The following CDH22 variants were observed in gnomAD, a reference collection of about 807,000 sequenced individuals.
CDH22 encodes the protein cadherin-22.
CDH22 carries 30 observed loss-of-function variants against 58.4 expected under a neutral mutation model. The ratio of observed to expected loss-of-function variants is 0.51; its 90% CI spans 0.38 to 0.70. The LOEUF (loss-of-function observed/expected upper bound fraction) is 0.70. Among genes scored for constraint, CDH22 ranks in the 30% least tolerant of loss-of-function variants. The pLI is 0.00. For missense variants in CDH22, 1,014 were observed against 1,233.9 expected (o/e 0.82, Z 2.67); for synonymous variants, 513 against 558.2 (o/e 0.92, Z 1.14).
Position 46,226,268 on chromosome 20 carries a change from CTTCTTCTTCTTCTTCTTCTTCTTCT to C in CDH22, c.670+1215_670+1239del, listed in dbSNP as rs1233502859. ...TCTTCTTCTTCTTCTTCTTCTTCTT[CTTCTTCTTCTTCTTCTTCTTCTTCT>C]TTTTTTTTTTGAGACAGGGTCTTGC... On this transcript the variant is annotated intron_variant, in intron 4 of 11. Coordinates refer to ENST00000537909, the MANE Select transcript of CDH22 (RefSeq NM_021248.3). Among the ~76,000 whole-genome samples, 8 of 7,130 alleles carry C rather than the reference CTTCTTCTTCTTCTTCTTCTTCTTCT, an allele frequency of 1.1e-3. 1 individual carries two copies. The highest frequency in any genetic ancestry group is 2.7e-3 in the Non-Finnish European group (8 of 2,962). The allele number at this position is 7,130 out of a possible 152,430, so 4.7% of individuals were successfully genotyped here.
At chr20:46,279,954 C>A (rs2086541375) in intron 1 of CDH22, among the ~76,000 whole-genome samples, 1 of 152,024 alleles carries the variant, frequency 6.6e-6, no homozygotes, top group African/African-American at 2.4e-5. Flanking sequence ...CCCAACAAGA[C>A]TTTGAGGGAT....
chr20:46,247,271 C>T (rs1379625615), intron 2 of CDH22, among the ~76,000 whole-genome samples: 1 of 152,158 alleles, frequency 6.6e-6, no homozygotes, highest in Non-Finnish European at 1.5e-5. Context: ...AACTCACTGA[C>T]TCCCCAACGC....
rs549359934 is a variant in CDH22, at chr20:46,286,181, G to T, written c.-400+22074C>A. On this transcript the variant is annotated intron_variant, in intron 1 of 11. Transcript: ENST00000537909. ...TCATGGGATCTTCCTGTCAACCCTG[G>T]AAGGCAGGTGTTCTCTTACTCAAAG... 1.5e-4 allele frequency among the ~76,000 whole-genome samples: 23 copies of T among 152,258 alleles called. 1 individual carries two copies. The East Asian group carries it at 2.5e-3, about 17-fold the overall frequency.
In CDH22 at chr20:46,199,383, C is replaced by T. The variant is rs765976667; in HGVS notation, c.1423+40G>A. 5.7e-6 allele frequency: 9 copies of T among 1,591,530 alleles called. No individual in the cohort carries two copies. In the Admixed American group the frequency reaches 8.4e-5, roughly 15 times the overall value. On this transcript the variant is annotated intron_variant, in intron 8 of 11. Transcript: ENST00000537909. Reference sequence around the variant, plus strand: ...CTCCCTTCAGCTTTTGCTCCTGGGCCCCATATTTGCCCTTGGAGGGGGCGT... The same window carrying T: ...CTCCCTTCAGCTTTTGCTCCTGGGCTCCATATTTGCCCTTGGAGGGGGCGT...
At chr20:46,203,622 C>T (rs1352445514) in intron 7 of CDH22, among the ~76,000 whole-genome samples, 3 of 152,158 alleles carry the variant, frequency 2.0e-5, no homozygotes, top group African/African-American at 2.4e-5. Flanking sequence ...GAGAATGAAA[C>T]GCATGTAAGG....
chr20:46,264,865 A>T (rs180716619), intron 1 of CDH22, among the ~76,000 whole-genome samples: 173 of 148,514 alleles, frequency 1.2e-3, no homozygotes, highest in Admixed American at 2.2e-3. Flanking sequence ...ACACACACAC[A>T]CCGTGCGCAC....
chr20:46,223,817 TC>T (rs2086151182), intron 4 of CDH22, among the ~76,000 whole-genome samples: 1 of 138,070 alleles, frequency 7.2e-6, no homozygotes, highest in Admixed American at 7.7e-5. Context: ...TTTCTTCCTT[TC>T]TTCCTTCCTT....
chr20:46,230,196 G>A (rs1600707677), intron 3 of CDH22, among the ~76,000 whole-genome samples: 1 of 152,092 alleles, frequency 6.6e-6, no homozygotes, highest in Non-Finnish European at 1.5e-5. Context: ...TGGTCCCACA[G>A]GTTCAGCAGT....
intron 7 of CDH22, 94 bp from the exon 8 acceptor site, chr20:46,199,653 C>T (rs2085940295): frequency 6.9e-7 from 1 of 1,458,226 alleles, no homozygotes; most frequent in Admixed American, 2.1e-5. Flanking sequence ...AGAGGGACCG[C>T]CTGCCTTGGA....
chr20:46,295,793 C>T lies in CDH22; in HGVS notation c.-400+12462G>A, dbSNP rs144765780. Reference sequence around the variant, plus strand: ...CTATTTATTTGTAGAGGCAGGGTCTCGCTCTGTCACCCAGGCTGGAGTGCA... The same window carrying T: ...CTATTTATTTGTAGAGGCAGGGTCTTGCTCTGTCACCCAGGCTGGAGTGCA... On this transcript the variant is annotated intron_variant, in intron 1 of 11. Coordinates refer to ENST00000537909, the MANE Select transcript of CDH22 (RefSeq NM_021248.3). 2.0e-3 allele frequency among the ~76,000 whole-genome samples: 311 copies of T among 152,322 alleles called. 2 individuals are homozygous for T. The highest frequency in any genetic ancestry group is 7.0e-3 in the African/African-American group (289 of 41,556).
chr20:46,253,320 G>A (rs2425808), intron 1 of CDH22, among the ~76,000 whole-genome samples: 58,207 of 152,014 alleles, frequency 0.38, 11,433 homozygotes, highest in Middle Eastern at 0.61. Flanking sequence ...GTTTCAGGGT[G>A]GGGAGTCATT....
chr20:46,252,692 C>A (rs2086385798), intron 1 of CDH22, among the ~76,000 whole-genome samples: 1 of 152,220 alleles, frequency 6.6e-6, no homozygotes, highest in South Asian at 2.1e-4. Context: ...TTCCACCAAG[C>A]TTCAACTTTG....
rs778424813 is a variant in CDH22, at chr20:46,227,551, G to A, written c.627C>T (p.Ser209=). The change falls in exon 4 of 12, where the codon AGC becomes AGT. Residue 209 remains serine, a synonymous_variant. Coordinates refer to ENST00000537909, the MANE Select transcript of CDH22 (RefSeq NM_021248.3). ...TGAAGTGGTGCTCGCCGTCCAGCACGCTGTACACCAGCCGAGCGCTGCTGC... is the reference window on the plus strand; with the variant it reads ...TGAAGTGGTGCTCGCCGTCCAGCACACTGTACACCAGCCGAGCGCTGCTGC... ...TYGSSARLVY[S]VLDGEHHFTV... The A allele has an allele frequency of 9.7e-6, 15 of 1,547,660 alleles. No individual in the cohort carries two copies. The highest frequency in any genetic ancestry group is 1.2e-5 in the Non-Finnish European group (14 of 1,139,390).
At chr20:46,291,050 G>A (rs574812116) in intron 1 of CDH22, among the ~76,000 whole-genome samples, 9 of 152,312 alleles carry the variant, frequency 5.9e-5, no homozygotes, top group African/African-American at 1.9e-4. Context: ...AGAGAGGCAG[G>A]TGGATCACCT....
chr20:46,231,901 A>C (rs2086222700), intron 3 of CDH22, among the ~76,000 whole-genome samples: 1 of 152,112 alleles, frequency 6.6e-6, no homozygotes, highest in South Asian at 2.1e-4. Context: ...GCCCATTCTG[A>C]GCCTCTGAGC....
chr20:46,177,515 A>G (rs986013672), intron 11 of CDH22, among the ~76,000 whole-genome samples: 3 of 151,978 alleles, frequency 2.0e-5, no homozygotes, highest in Admixed American at 6.5e-5. Context: ...AAATCCAAAG[A>G]TTATCCAGTA....
intron 11 of CDH22, among the ~76,000 whole-genome samples, chr20:46,176,987 C>T (rs1203229632): frequency 6.6e-6 from 1 of 152,226 alleles, no homozygotes; most frequent in East Asian, 1.9e-4. Context: ...CTGTAAAGTG[C>T]ACCCTCTGGA....
At position 46,199,498 on chromosome 20, in the gene CDH22, C is replaced by T. The variant is rs750523590; in HGVS notation, c.1348G>A (p.Ala450Thr). 3.1e-6 allele frequency: 5 copies of T among 1,613,752 alleles called. No individual in the cohort carries two copies. The highest frequency in any genetic ancestry group is 4.2e-6 in the Non-Finnish European group (5 of 1,179,976). The change falls in exon 8 of 12, where the codon GCC (alanine) becomes ACC (threonine). Residue 450 changes from alanine (A) to threonine (T), a missense_variant. Ala to Thr is a moderately conservative substitution (Grantham distance 58). Around this residue, in one of 2 missense-constraint regions of CDH22, gnomAD observed 806 missense variants for 1,038.7 expected, o/e 0.78. Transcript: ENST00000537909. Reference sequence around the variant, plus strand: ...TCCAGCCCCTTGCCAGTCACGATGGCGCCTGTGTCCGCATCGATATCGAAG... The same window carrying T: ...TCCAGCCCCTTGCCAGTCACGATGGTGCCTGTGTCCGCATCGATATCGAAG... ...QIFDIDADTG[A>T]IVTGKGLDRE...
intron 8 of CDH22, among the ~76,000 whole-genome samples, chr20:46,197,530 G>A (rs1189523586): frequency 6.6e-6 from 1 of 152,140 alleles, no homozygotes; most frequent in African/African-American, 2.4e-5. Context: ...GGAGGGGCGT[G>A]TATCTGTGAG....
Sources: gnomAD v4.1 joint callset for allele counts (sites outside exome capture counted in the v4.1 genomes callset) on GRCh38, gnomAD v4.1.1 for gene constraint, gnomAD v4.1.1 regional missense constraint, MANE v1.5 for transcripts, NCBI Gene and HGNC (gene_info 2026-07-23, HGNC 2026-07-21) for gene names.